TMEM182: variants seen among roughly 807,000 people sequenced by gnomAD.
TMEM182 encodes the protein transmembrane protein 182.
TMEM182 carries 20 observed loss-of-function variants against 26.8 expected under a neutral mutation model. The observed-to-expected ratio is 0.75, with a 90% CI of 0.53 to 1.09. The LOEUF (loss-of-function observed/expected upper bound fraction) is 1.09, where lower values mean the gene tolerates loss of function less well. TMEM182 is among the 50% of genes least tolerant of loss of function. TMEM182 has a pLI of 0.00. For missense variants in TMEM182, 277 were observed against 275.5 expected (o/e 1.01, Z -0.04); for synonymous variants, 109 against 102.2 (o/e 1.07, Z -0.40).
intron 1 of TMEM182, among the ~76,000 whole-genome samples, chr2:102,745,915 T>G (rs1679682484): frequency 6.6e-6 from 1 of 152,170 alleles, no homozygotes; most frequent in Non-Finnish European, 1.5e-5. Flanking sequence ...GCTATGAACA[T>G]TTGTGTATAA....
intron 4 of TMEM182, among the ~76,000 whole-genome samples, chr2:102,802,119 A>G (rs1421386292): frequency 2.6e-5 from 4 of 152,212 alleles, no homozygotes; most frequent in Non-Finnish European, 4.4e-5. Flanking sequence ...TGCCACAAAC[A>G]GAATTGGACG....
At chr2:102,823,525 G>A (rs6709987) in intron 3 of TMEM182, among the ~76,000 whole-genome samples, 21,973 of 151,868 alleles carry the variant, frequency 0.14, 1,934 homozygotes, top group South Asian at 0.2. Context: ...AGTAGAGACG[G>A]GGTTTCACTA....
At position 102,762,568 on chromosome 2, in the gene TMEM182, T is replaced by C; in HGVS notation, c.133-19T>C. 1 of 1,598,006 alleles carries C rather than the reference T, an allele frequency of 6.3e-7. No individual in the cohort carries two copies. Among genetic ancestry groups the C allele is most frequent in the Non-Finnish European group, 8.5e-7 (1 of 1,175,222 alleles). Reference sequence around the variant, plus strand: ...ATTTCTTGTATTGATGGCAAGTTACTTCATTTTGTTCTGTGCAGATAGAGA... The same window carrying C: ...ATTTCTTGTATTGATGGCAAGTTACCTCATTTTGTTCTGTGCAGATAGAGA... On this transcript the variant is annotated intron_variant, in intron 1 of 4. Coordinates refer to ENST00000412401, the MANE Select transcript of TMEM182 (RefSeq NM_144632.5).
chr2:102,830,126 T>C lies in TMEM182; in HGVS notation c.326-13286T>C, dbSNP rs77896807. Among the ~76,000 whole-genome samples the C allele has an allele frequency of 8.4e-3, 1,286 of 152,358 alleles. 20 individuals carry two copies. Among genetic ancestry groups the C allele is most frequent in the African/African-American group, 0.03 (1,237 of 41,578 alleles). On this transcript the variant is annotated intron_variant, in intron 3 of 3. Coordinates refer to the TMEM182 transcript ENST00000486293. ...CAGTCTATGTGATTTCTCATTGGCC[T>C]GCCATTCCTTGTTATGGTCACAGAG... is the stretch of plus-strand genomic sequence containing the variant.
At chr2:102,751,416 G>T (rs1679872770) in intron 1 of TMEM182, among the ~76,000 whole-genome samples, 1 of 152,072 alleles carries the variant, frequency 6.6e-6, no homozygotes, top group African/African-American at 2.4e-5. Context: ...AAATGTGGTT[G>T]GAAAGGAGAA....
chr2:102,768,721 C>A (rs755672554), intron 3 of TMEM182, among the ~76,000 whole-genome samples: 1 of 151,742 alleles, frequency 6.6e-6, no homozygotes, highest in Non-Finnish European at 1.5e-5. Context: ...TATTTTTTTG[C>A]GTGCTTTTTG....
intron 1 of TMEM182, among the ~76,000 whole-genome samples, chr2:102,737,703 T>A (rs938647245): frequency 1.3e-5 from 2 of 152,196 alleles, no homozygotes; most frequent in Non-Finnish European, 2.9e-5. Flanking sequence ...CTGAGTGCAG[T>A]GAAAGGAATT....
chr2:102,778,938 T>G (rs182327574), intron 3 of TMEM182, among the ~76,000 whole-genome samples: 77 of 152,272 alleles, frequency 5.1e-4, no homozygotes, highest in Admixed American at 4.4e-3. Context: ...TTCCATTGTT[T>G]TTGCTTCCTT....
At chr2:102,780,654 C>T (rs1681128167) in intron 3 of TMEM182, among the ~76,000 whole-genome samples, 1 of 152,154 alleles carries the variant, frequency 6.6e-6, no homozygotes, top group Non-Finnish European at 1.5e-5. Context: ...CATGACCACC[C>T]TGCAGGGATG....
At chr2:102,790,351 T>C (rs1232690672) in intron 3 of TMEM182, among the ~76,000 whole-genome samples, 2 of 152,256 alleles carry the variant, frequency 1.3e-5, no homozygotes, top group Non-Finnish European at 2.9e-5. Context: ...TCAGCTACAG[T>C]TAAAACGTCA....
rs376918635 is a variant in TMEM182 at position 102,740,409 on chromosome 2, C to T, written c.-83+3396C>T. Among the ~76,000 whole-genome samples, 13 of 152,212 alleles carry T rather than the reference C, an allele frequency of 8.5e-5. No individual in the cohort carries two copies. In the South Asian group the frequency reaches 2.7e-3, roughly 32 times the overall value. ...GGGCTTTTCCCCCTCTTGCTCAGTA[C>T]TTCTCCTTGCTGCTACACCCTGTAA... On this transcript the variant is annotated intron_variant, in intron 1 of 5. Coordinates refer to the TMEM182 transcript ENST00000409173.
chr2:102,819,765 A>G (rs1264004093), downstream of TMEM182, among the ~76,000 whole-genome samples: 1 of 152,172 alleles, frequency 6.6e-6, no homozygotes, highest in Non-Finnish European at 1.5e-5. Context: ...GGCATTCCCA[A>G]ACTCTTAAGT....
At chr2:102,764,835 T>C (rs1028448155) in intron 3 of TMEM182, among the ~76,000 whole-genome samples, 7 of 151,100 alleles carry the variant, frequency 4.6e-5, no homozygotes, top group Non-Finnish European at 1.0e-4. Context: ...AAATATATAA[T>C]ATGTATACAA....
intron 1 of TMEM182, among the ~76,000 whole-genome samples, chr2:102,744,394 A>T (rs1208844669): frequency 6.6e-6 from 1 of 152,190 alleles, no homozygotes; most frequent in Non-Finnish European, 1.5e-5. Flanking sequence ...TGTGAGATGC[A>T]ACAAAAATGC....
intron 1 of TMEM182, among the ~76,000 whole-genome samples, chr2:102,738,789 G>C (rs1309414199): frequency 6.6e-6 from 1 of 152,164 alleles, no homozygotes; most frequent in African/African-American, 2.4e-5. Context: ...GCTGGAGGCA[G>C]CTCTAGTAGT....
At chr2:102,798,850 AT>A (rs1007343632) in intron 4 of TMEM182, among the ~76,000 whole-genome samples, 17 of 152,248 alleles carry the variant, frequency 1.1e-4, no homozygotes, top group South Asian at 2.1e-4. Flanking sequence ...AAAAAAAAAA[AT>A]AATTAATTAA....
In TMEM182 at chr2:102,774,755, A is replaced by G. The variant is rs548927404; in HGVS notation, c.331+10328A>G. Among the ~76,000 whole-genome samples the G allele has an allele frequency of 2.6e-5, 4 of 152,294 alleles. No individual in the cohort carries two copies. In the East Asian group the frequency reaches 7.7e-4, roughly 29 times the overall value. On this transcript the variant is annotated intron_variant, in intron 3 of 4. Transcript: ENST00000412401. Reference sequence around the variant, plus strand: ...TGCTTTTGCATTTTTGTCAAAAAATAGTTGATCCTACTTGTATGGGACTAA... The same window carrying G: ...TGCTTTTGCATTTTTGTCAAAAAATGGTTGATCCTACTTGTATGGGACTAA...
chr2:102,818,059 A>C (rs138681019), downstream of TMEM182, among the ~76,000 whole-genome samples: 2 of 152,322 alleles, frequency 1.3e-5, no homozygotes, highest in Non-Finnish European at 2.9e-5. Flanking sequence ...TTGGCTGGAT[A>C]TGTCTGAAGG....
At chr2:102,838,730 G>C (rs187759998) in intron 3 of TMEM182, among the ~76,000 whole-genome samples, 1 of 152,122 alleles carries the variant, frequency 6.6e-6, no homozygotes, top group African/African-American at 2.4e-5. Context: ...GGTTCTGTGG[G>C]GTAATTGGTG....
Sources: allele counts gnomAD v4.1 joint callset (sites outside exome capture counted in the v4.1 genomes callset), GRCh38; gene constraint gnomAD v4.1.1; transcripts MANE v1.5; gene names NCBI Gene and HGNC (gene_info 2026-07-23, HGNC 2026-07-21).